HUWE1: variants seen among roughly 807,000 people sequenced by gnomAD.
The protein encoded by HUWE1 is E3 ubiquitin-protein ligase HUWE1.
A neutral mutation model predicts 299.4 loss-of-function variants in HUWE1; 18 were observed. That is an observed-to-expected ratio of 0.06 (90% CI 0.04 to 0.09). The LOEUF (loss-of-function observed/expected upper bound fraction) is 0.09. Among genes scored for constraint, HUWE1 ranks in the 10% least tolerant of loss-of-function variants. The pLI is 1.00. For synonymous variants in HUWE1, 1,317 were observed against 1,286.1 expected (o/e 1.02, Z -0.51); for missense variants, 1,832 against 3,462.3 (o/e 0.53, Z 11.82).
At chrX:53,600,972 C>A (rs1465781405) in intron 28 of HUWE1, among the ~76,000 whole-genome samples, 2 of 111,273 alleles carry the variant, frequency 1.8e-5, no homozygotes, top group African/African-American at 6.5e-5. Context: ...TCAATTTATT[C>A]TTTCCCTGAG....
chrX:53,578,327 G>A (rs1212873093), intron 43 of HUWE1, among the ~76,000 whole-genome samples: 2 of 107,629 alleles, frequency 1.9e-5, no homozygotes, highest in Admixed American at 9.5e-5. Context: ...GTCTCCGCCC[G>A]GCAGCCACCC....
At chrX:53,607,373 T>C in intron 25 of HUWE1, 150 bp downstream of exon 25, 1 of 495,238 alleles carries the variant, frequency 2.0e-6, no homozygotes, top group Admixed American at 3.9e-5. Flanking sequence ...GCACACTATA[T>C]ATTAGTCACA....
At chrX:53,544,077 T>G in intron 72 of HUWE1, 109 bp from the exon 73 acceptor site, 1 of 706,912 alleles carries the variant, frequency 1.4e-6, no homozygotes, top group Non-Finnish European at 2.1e-6. Context: ...GCTGAGGTCT[T>G]TTGAGCTTTA....
intron 29 of HUWE1, among the ~76,000 whole-genome samples, chrX:53,597,589 T>C (rs1196048669): frequency 1.2e-5 from 1 of 85,021 alleles, no homozygotes; most frequent in African/African-American, 4.5e-5. Context: ...GTTCCATTGA[T>C]GTTTTGTCTC....
At chrX:53,566,117 A>ATGTGTGTGTG (rs781804758) in intron 49 of HUWE1, among the ~76,000 whole-genome samples, 1 of 54,322 alleles carries the variant, frequency 1.8e-5, no homozygotes, top group Non-Finnish European at 3.1e-5. Context: ...GTATGTATGT[A>ATGTGTGTGTG]TGTGTGTGTG....
intron 29 of HUWE1, among the ~76,000 whole-genome samples, chrX:53,596,977 A>C (rs2064517822): frequency 8.9e-6 from 1 of 112,536 alleles, no homozygotes; most frequent in South Asian, 3.6e-4. Context: ...CACTTTTGTG[A>C]AATCTTTTTA....
At chrX:53,601,990 G>GAGAT (rs782487982) in intron 28 of HUWE1, among the ~76,000 whole-genome samples, 104 of 110,986 alleles carry the variant, frequency 9.4e-4, no homozygotes, top group Admixed American at 4.0e-3. Context: ...TTTTTATCAT[G>GAGAT]AGATAATATA....
chrX:53,647,222 G>T, intron 6 of HUWE1, 146 bp downstream of exon 6: 1 of 513,270 alleles, frequency 1.9e-6, no homozygotes, highest in Non-Finnish European at 3.5e-6. Context: ...CTATATCCAA[G>T]AAACATTCTA....
Position 53,573,939 on chromosome X carries a change from A to G in HUWE1, c.6123T>C (p.Asp2041=). 1 of 1,210,102 alleles carries G rather than the reference A, an allele frequency of 8.3e-7. No individual in the cohort carries two copies. The highest frequency in any genetic ancestry group is 1.1e-6 in the Non-Finnish European group (1 of 894,677). The change falls in exon 47 of 84, where the codon GAT becomes GAC. Residue 2041 remains aspartate (D), a synonymous_variant. Coordinates refer to ENST00000262854, the MANE Select transcript of HUWE1 (RefSeq NM_031407.7). ...GEASTPEESR[D]GKKDKEGDRA... ...GGTCCCCTTCTTTATCTTTCTTCCC[A>G]TCTCGAGACTCCTCTGGAGTTGAAG...
intron 60 of HUWE1, 72 bp downstream of exon 60, chrX:53,557,310 G>T: frequency 1.1e-6 from 1 of 940,135 alleles, no homozygotes; most frequent in Non-Finnish European, 1.5e-6. Context: ...ATGTGGGCCA[G>T]CTACTCGGAA....
At position 53,645,568 on chromosome X, in the gene HUWE1, G is replaced by GCT; in HGVS notation, c.352-106_352-105insAG. 12 of 811,950 alleles carry GCT rather than the reference G, an allele frequency of 1.5e-5. No homozygotes were observed. In the South Asian group the frequency reaches 2.4e-4, roughly 16 times the overall value. The allele number at this position is 811,950 out of a possible 1,213,427, so 66.9% of individuals were successfully genotyped here. On this transcript the variant is annotated intron_variant, in intron 6 of 83. Coordinates refer to ENST00000262854, the MANE Select transcript of HUWE1 (RefSeq NM_031407.7). ...ATTTACAAAGCTATCAAGAAGTTTA[G>GCT]TCACAACAATACAAAAAATATATAA...
intron 74 of HUWE1, among the ~76,000 whole-genome samples, chrX:53,542,055 C>T (rs1269031778): frequency 2.7e-5 from 3 of 110,763 alleles, no homozygotes; most frequent in African/African-American, 6.6e-5. Flanking sequence ...TGGTGGTGGG[C>T]GCCTGTAATC....
intron 66 of HUWE1, among the ~76,000 whole-genome samples, chrX:53,550,040 C>G (rs143142266): frequency 9.0e-6 from 1 of 110,994 alleles, no homozygotes; most frequent in Non-Finnish European, 1.9e-5. Context: ...GTGTGAGCCA[C>G]GACAACTGGC....
At chrX:53,642,437 T>C (rs782572783) in intron 7 of HUWE1, among the ~76,000 whole-genome samples, 6 of 112,384 alleles carry the variant, frequency 5.3e-5, no homozygotes, top group African/African-American at 1.9e-4. Context: ...CTCCATAGTG[T>C]GCATGTGCCA....
intron 44 of HUWE1, among the ~76,000 whole-genome samples, chrX:53,576,085 T>C (rs1291063996): frequency 1.8e-5 from 2 of 112,142 alleles, no homozygotes; most frequent in Non-Finnish European, 3.8e-5. Flanking sequence ...CACAGCTATA[T>C]AGCTAAACTA....
At position 53,568,713 on chromosome X, in the gene HUWE1, G is replaced by T; in HGVS notation, c.6686C>A (p.Pro2229His). The T allele has an allele frequency of 8.3e-7, 1 of 1,210,723 alleles. No homozygotes were observed. The highest frequency in any genetic ancestry group is 1.1e-6 in the Non-Finnish European group (1 of 894,862). Residue 2229 changes from proline (P) to histidine (H), a missense_variant, in exon 49 of 84, where the codon CCT (proline) becomes CAT (histidine). By Grantham distance (77) the Pro-to-His change is moderately conservative (BLOSUM62 -2). Around this residue, in one of 15 missense-constraint regions of HUWE1, gnomAD observed 157 missense variants for 252.3 expected, o/e 0.62. Transcript: ENST00000262854. ...KGLVNDLARV[P>H]HSLDLSSPNM... ...TTACCTGGACAGGTCTAAGCTGTGA[G>T]GTACTCTGGCCAGGTCATTAACCAG... is the stretch of plus-strand genomic sequence containing the variant.
chrX:53,658,119 T>C (rs1406720697), intron 3 of HUWE1, among the ~76,000 whole-genome samples: 1 of 106,667 alleles, frequency 9.4e-6, no homozygotes, highest in Non-Finnish European at 1.9e-5. Context: ...ATAAAAAACA[T>C]TTATATTAGC....
intron 33 of HUWE1, among the ~76,000 whole-genome samples, chrX:53,591,351 C>T (rs1556978840): frequency 9.0e-6 from 1 of 111,332 alleles, no homozygotes; most frequent in East Asian, 2.8e-4. Flanking sequence ...CGATTTCATC[C>T]TCTAAGAAAG....
chrX:53,618,783 G>A (rs942433681), intron 19 of HUWE1, among the ~76,000 whole-genome samples: 22 of 108,441 alleles, frequency 2.0e-4, no homozygotes, highest in African/African-American at 6.7e-4. Context: ...GGCTGGTCTC[G>A]AACTCCTAAC....
Sources: gnomAD v4.1 joint callset for allele counts (sites outside exome capture counted in the v4.1 genomes callset) on GRCh38, gnomAD v4.1.1 for gene constraint, gnomAD v4.1.1 regional missense constraint, MANE v1.5 for transcripts, NCBI Gene and HGNC (gene_info 2026-07-23, HGNC 2026-07-21) for gene names.